Variants in CLTB observed in about 807,000 individuals in gnomAD.
CLTB encodes clathrin, light chain (Lcb).
In CLTB, 10 loss-of-function variants were observed where a neutral mutation model predicts 30.5. That is an observed-to-expected ratio of 0.33 (90% CI 0.20 to 0.56). CLTB has a LOEUF of 0.56. Ranked by LOEUF, CLTB falls within the 20% of genes least tolerant of loss-of-function variation. The probability of loss-of-function intolerance (pLI) is 0.91; values close to 1 mark genes in which losing one functional copy is unlikely to be tolerated. For missense variants in CLTB, 261 were observed against 308.3 expected (o/e 0.85, Z 1.15); for synonymous variants, 102 against 120.3 (o/e 0.85, Z 1.00).
chr5:176,402,119 GT>G (rs762698100), intron 2 of CLTB, among the ~76,000 whole-genome samples: 2 of 152,060 alleles, frequency 1.3e-5, no homozygotes, highest in Non-Finnish European at 2.9e-5. Context: ...CCTGGGCAAC[GT>G]GGTAAAACCC....
At chr5:176,396,049 C>T (rs368142941) in intron 5 of CLTB, among the ~76,000 whole-genome samples, 8 of 152,096 alleles carry the variant, frequency 5.3e-5, no homozygotes. Context: ...GCAGGAGAAT[C>T]GCTTGAACCC....
chr5:176,401,337 A>C (rs1756805685), intron 2 of CLTB, among the ~76,000 whole-genome samples: 1 of 152,172 alleles, frequency 6.6e-6, no homozygotes, highest in Non-Finnish European at 1.5e-5. Context: ...GAGGTCAGAG[A>C]AGTTGGAAAT....
At chr5:176,394,604 T>G (rs1362670203) in intron 5 of CLTB, among the ~76,000 whole-genome samples, 3 of 146,482 alleles carry the variant, frequency 2.0e-5, no homozygotes, top group Non-Finnish European at 4.4e-5. Flanking sequence ...GATCACGAGG[T>G]CAGATGGAGA....
Position 176,408,936 on chromosome 5 carries a change from T to G in CLTB, c.234+1321A>C, listed in dbSNP as rs575404010. 3.0e-4 allele frequency among the ~76,000 whole-genome samples: 46 copies of G among 152,356 alleles called. 1 individual carries two copies. Among genetic ancestry groups the G allele is most frequent in the Admixed American group, 2.9e-3 (44 of 15,302 alleles). ...CCCCACCCTTGGGGCTAACCATTGT[T>G]AACAGCTGGTACACATCCTTTCAGA... On this transcript the variant is annotated intron_variant, in intron 2 of 5. Coordinates refer to ENST00000310418, the MANE Select transcript of CLTB (RefSeq NM_007097.5).
In CLTB at chr5:176,392,702, C is replaced by G; in HGVS notation, c.*72G>C. On this transcript the variant is annotated 3_prime_UTR_variant, in exon 6 of 6. Transcript: ENST00000310418. This position sits in a 1 kb window ranked among gnomAD's most constrained non-coding sequence, Gnocchi z 5.2. ...GGTAGCAGCTGCTGCGAGTCTCCAC[C>G]CCGACCAAAGCAGCTGCTCCTCCTG... 1.3e-6 allele frequency: 2 copies of G among 1,558,690 alleles called. No homozygotes were observed. Among genetic ancestry groups the G allele is most frequent in the Non-Finnish European group, 1.8e-6 (2 of 1,139,404 alleles).
At chr5:176,411,622 G>A (rs765176355) in intron 1 of CLTB, among the ~76,000 whole-genome samples, 1 of 152,124 alleles carries the variant, frequency 6.6e-6, no homozygotes, top group Non-Finnish European at 1.5e-5. Flanking sequence ...CCAACAAACA[G>A]ACCCTCCATG....
chr5:176,406,579 G>A lies in CLTB; in HGVS notation c.234+3678C>T, dbSNP rs185370147. On this transcript the variant is annotated intron_variant, in intron 2 of 5. Transcript: ENST00000310418. ...AGGATCTGTGCAGAGGTGGGGAGGC[G>A]GAGTCCTGCAGGGCCCTTCTGTCCC... 58 of 1,289,088 alleles carry A rather than the reference G, an allele frequency of 4.5e-5. No homozygotes were observed. In the South Asian group the frequency reaches 5.1e-4, roughly 11 times the overall value. The allele number at this position is 1,289,088 out of a possible 1,614,324, so 79.9% of individuals were successfully genotyped here. A position where few individuals can be genotyped will look rare whatever the true frequency, so the allele number is the denominator to read the frequency against.
chr5:176,392,932 C>A lies in CLTB; in HGVS notation c.532G>T (p.Ala178Ser), dbSNP rs769212339. Reference sequence around the variant, plus strand: ...TCCTCCTTGGATTCCTTCACGAAAGCCTCCTCGGATGCCCTGCGGGTGGAG... The same window carrying A: ...TCCTCCTTGGATTCCTTCACGAAAGACTCCTCGGATGCCCTGCGGGTGGAG... ...DIIGYVASEEAFVKESKEETP... is the reference protein window; with the variant it reads ...DIIGYVASEESFVKESKEETP... Residue 178 changes from alanine (A) to serine (S), a missense_variant, in exon 6 of 6, where the codon GCT becomes TCT. Around this residue, in one of 3 missense-constraint regions of CLTB, gnomAD observed 123 missense variants for 157.0 expected, o/e 0.78. Transcript: ENST00000310418. This position sits in a 1 kb window ranked among gnomAD's most constrained non-coding sequence, Gnocchi z 5.2. The A allele has an allele frequency of 6.2e-7, 1 of 1,614,164 alleles. No homozygotes were observed. Among genetic ancestry groups the A allele is most frequent in the Non-Finnish European group, 8.5e-7 (1 of 1,179,990 alleles).
chr5:176,397,533 C>T (rs1756596060), intron 4 of CLTB, 74 bp downstream of exon 4: 2 of 565,594 alleles, frequency 3.5e-6, no homozygotes, highest in African/African-American at 4.9e-5. Flanking sequence ...CCCTCATGTC[C>T]CCACGGCCCC....
chr5:176,404,695 T>C (rs1261123590), intron 2 of CLTB, among the ~76,000 whole-genome samples: 1 of 152,182 alleles, frequency 6.6e-6, no homozygotes, highest in Non-Finnish European at 1.5e-5. Context: ...ACTGATGCAC[T>C]CTAGTGGGGG....
chr5:176,412,897 G>A (rs1001296226), intron 1 of CLTB, among the ~76,000 whole-genome samples: 1 of 152,076 alleles, frequency 6.6e-6, no homozygotes, highest in African/African-American at 2.4e-5. Context: ...CACGTTACCA[G>A]GGTCTATTCC....
Position 176,392,582 on chromosome 5 carries a change from G to A in CLTB, c.*192C>T, listed in dbSNP as rs1756300996. On this transcript the variant is annotated 3_prime_UTR_variant, in exon 6 of 6. Coordinates refer to ENST00000310418, the MANE Select transcript of CLTB (RefSeq NM_007097.5). This position sits in a 1 kb window ranked among gnomAD's most constrained non-coding sequence, Gnocchi z 5.2. ...TTGAGTAGACTGAGAGGAGGCGTGA[G>A]GGGCTGGACCAGAGGGCCAGGAGGG... 1 of 598,424 alleles carries A rather than the reference G, an allele frequency of 1.7e-6. No homozygotes were observed. The highest frequency in any genetic ancestry group is 3.0e-6 in the Non-Finnish European group (1 of 338,654). The allele number at this position is 598,424 out of a possible 1,614,324, so 37.1% of individuals were successfully genotyped here. A position where few individuals can be genotyped will look rare whatever the true frequency, so the allele number is the denominator to read the frequency against.
chr5:176,394,629 A>C (rs575404654), intron 5 of CLTB, among the ~76,000 whole-genome samples: 1 of 149,120 alleles, frequency 6.7e-6, no homozygotes, highest in East Asian at 2.0e-4. Flanking sequence ...CCTGGCTAAC[A>C]CGGTGAAACC....
At chr5:176,403,073 G>A (rs374515208) in intron 2 of CLTB, among the ~76,000 whole-genome samples, 16 of 144,710 alleles carry the variant, frequency 1.1e-4, no homozygotes, top group South Asian at 8.7e-4. Flanking sequence ...TTTTTGAGGC[G>A]GAGTCTCGCT....
Position 176,392,990 on chromosome 5 carries a change from C to T in CLTB, c.519-45G>A. On this transcript the variant is annotated intron_variant, in intron 5 of 5. Transcript: ENST00000310418. This position sits in a 1 kb window ranked among gnomAD's most constrained non-coding sequence, Gnocchi z 5.2. ...GGGCTTTTATAGCAGTCTGCTTTCC[C>T]CCAGCCTTGCCCTTGAGCAAGGCTG... 2 of 1,609,128 alleles carry T rather than the reference C, an allele frequency of 1.2e-6. No individual in the cohort carries two copies. The highest frequency in any genetic ancestry group is 1.1e-5 in the South Asian group (1 of 90,896).
chr5:176,404,388 A>C (rs570265685), intron 2 of CLTB, among the ~76,000 whole-genome samples: 2 of 152,358 alleles, frequency 1.3e-5, no homozygotes, highest in South Asian at 4.1e-4. Flanking sequence ...GCTGCAGAGC[A>C]CTTTTTTCCA....
chr5:176,396,500 T>A lies in CLTB; in HGVS notation c.497A>T (p.Asp166Val), dbSNP rs774149649. 2.5e-6 allele frequency: 4 copies of A among 1,614,036 alleles called. 1 individual carries two copies. The highest frequency in any genetic ancestry group is 3.4e-6 in the Non-Finnish European group (4 of 1,179,928). The stretch of plus-strand genomic sequence containing the variant: ...GTACACGTAGCCGATGATATCAGCA[T>A]CTGGCTGCTGGTAGAATGCTTTGTC... ...IADKAFYQQP[D>V]ADIIGYVASE... The change falls in exon 5 of 6, where the codon GAT (aspartate) becomes GTT (valine). Residue 166 changes from aspartate to valine, a missense_variant. This residue lies in a region of CLTB where 123 missense variants were observed against 157.0 expected (regional missense o/e 0.78). Coordinates refer to ENST00000310418, the MANE Select transcript of CLTB (RefSeq NM_007097.5).
At chr5:176,411,010 C>G (rs1275284394) in intron 1 of CLTB, among the ~76,000 whole-genome samples, 1 of 152,216 alleles carries the variant, frequency 6.6e-6, no homozygotes, top group Non-Finnish European at 1.5e-5. Flanking sequence ...TCAGCCCCAG[C>G]CCAGGACCTC....
chr5:176,398,700 A>G (rs545126098), intron 2 of CLTB, among the ~76,000 whole-genome samples: 2 of 152,180 alleles, frequency 1.3e-5, no homozygotes, highest in East Asian at 3.9e-4. Flanking sequence ...CAACAAGAGC[A>G]AAACCCCGTC....
Sources: allele counts gnomAD v4.1 joint callset (sites outside exome capture counted in the v4.1 genomes callset), GRCh38; gene constraint gnomAD v4.1.1; regional missense constraint gnomAD v4.1.1; non-coding constraint Gnocchi (gnomAD v3.1); transcripts MANE v1.5; gene names NCBI Gene and HGNC (gene_info 2026-07-23, HGNC 2026-07-21).